The following NKAIN2 variants were observed in gnomAD, a reference collection of about 807,000 sequenced individuals.
The protein encoded by NKAIN2 is sodium/potassium-transporting ATPase subunit beta-1-interacting protein 2.
NKAIN2 carries 14 observed loss-of-function variants against 32.6 expected under a neutral mutation model. That is an observed-to-expected ratio of 0.43 (90% CI 0.28 to 0.67). The LOEUF is 0.67. Among genes scored for constraint, NKAIN2 ranks in the 30% least tolerant of loss-of-function variants. The pLI is 0.17. For synonymous variants in NKAIN2, 80 were observed against 87.2 expected (o/e 0.92, Z 0.46); for missense variants, 198 against 258.3 (o/e 0.77, Z 1.60).
chr6:124,383,288 T>C (rs1316158692), intron 3 of NKAIN2, among the ~76,000 whole-genome samples: 1 of 152,104 alleles, frequency 6.6e-6, no homozygotes, highest in Non-Finnish European at 1.5e-5. Flanking sequence ...TTCCAAACCA[T>C]CTTCCCAGAG....
chr6:123,974,776 C>T (rs1778481815), intron 1 of NKAIN2, among the ~76,000 whole-genome samples: 2 of 152,180 alleles, frequency 1.3e-5, no homozygotes, highest in Non-Finnish European at 2.9e-5. Context: ...CAGACATTAT[C>T]TTCTGTTTTC....
At chr6:124,821,938 G>A (rs961323045) in intron 6 of NKAIN2, among the ~76,000 whole-genome samples, 4 of 152,092 alleles carry the variant, frequency 2.6e-5, no homozygotes, top group Non-Finnish European at 2.9e-5. Context: ...GATTATCAAC[G>A]GGTTTTCCTG....
At position 124,251,863 on chromosome 6, in the gene NKAIN2, T is replaced by G. The variant is rs188696814; in HGVS notation, c.55-31142T>G. Among the ~76,000 whole-genome samples, 118 of 152,142 alleles carry G rather than the reference T, an allele frequency of 7.8e-4. 1 individual carries two copies. In the East Asian group the frequency reaches 0.019, roughly 25 times the overall value. The stretch of plus-strand genomic sequence containing the variant: ...ACATTATACTGCCTAAAAAGTCTAC[T>G]TCTAAATGTAAAACCTATAGAAATT... On this transcript the variant is annotated intron_variant, in intron 1 of 6. Coordinates refer to ENST00000368417, the MANE Select transcript of NKAIN2 (RefSeq NM_001040214.3).
At chr6:124,315,228 G>A (rs538125468) in intron 2 of NKAIN2, among the ~76,000 whole-genome samples, 1 of 152,118 alleles carries the variant, frequency 6.6e-6, no homozygotes, top group South Asian at 2.1e-4. Context: ...TGCATCTTGG[G>A]TTTGTAAACT....
intron 4 of NKAIN2, among the ~76,000 whole-genome samples, chr6:124,722,756 C>G (rs1198862046): frequency 2.0e-5 from 3 of 152,222 alleles, no homozygotes; most frequent in African/African-American, 7.2e-5. Flanking sequence ...AACTGCTATA[C>G]TGTTTTCCAT....
At chr6:124,115,474 C>A (rs1282952216) in intron 1 of NKAIN2, among the ~76,000 whole-genome samples, 1 of 151,934 alleles carries the variant, frequency 6.6e-6, no homozygotes, top group Admixed American at 6.6e-5. Flanking sequence ...ATCAGACAGA[C>A]AATTTCATAT....
intron 1 of NKAIN2, among the ~76,000 whole-genome samples, chr6:124,214,378 A>G (rs1009281834): frequency 6.6e-6 from 1 of 152,190 alleles, no homozygotes; most frequent in East Asian, 1.9e-4. Context: ...TTTATTTGGA[A>G]GGAATTATGT....
intron 1 of NKAIN2, among the ~76,000 whole-genome samples, chr6:124,136,234 A>G (rs1022556433): frequency 1.3e-5 from 2 of 152,302 alleles, no homozygotes; most frequent in East Asian, 3.9e-4. Flanking sequence ...ATTCAAGGCT[A>G]CTATGAATAC....
intron 1 of NKAIN2, among the ~76,000 whole-genome samples, chr6:124,017,763 A>T (rs554304391): frequency 3.3e-5 from 5 of 152,232 alleles, no homozygotes; most frequent in African/African-American, 1.2e-4. Flanking sequence ...GTGGCTTTAC[A>T]TAGTACAGCA....
At chr6:124,028,143 A>G (rs1330205110) in intron 1 of NKAIN2, among the ~76,000 whole-genome samples, 1 of 152,070 alleles carries the variant, frequency 6.6e-6, no homozygotes, top group Non-Finnish European at 1.5e-5. Context: ...TTTATACATA[A>G]TTTAGAATGT....
intron 1 of NKAIN2, among the ~76,000 whole-genome samples, chr6:124,078,000 T>G (rs1163297189): frequency 6.6e-6 from 1 of 152,166 alleles, no homozygotes; most frequent in African/African-American, 2.4e-5. Flanking sequence ...TTTTCTTTTA[T>G]TTTGCATTCT....
chr6:124,431,488 A>G (rs1775214884), intron 3 of NKAIN2, among the ~76,000 whole-genome samples: 1 of 152,144 alleles, frequency 6.6e-6, no homozygotes, highest in Non-Finnish European at 1.5e-5. Context: ...TTTGTTTTCT[A>G]TTATTGTCCC....
intron 3 of NKAIN2, among the ~76,000 whole-genome samples, chr6:124,410,052 T>G (rs951786810): frequency 5.3e-5 from 8 of 152,204 alleles, no homozygotes; most frequent in Non-Finnish European, 1.0e-4. Context: ...CCCTTTGTCA[T>G]TTTTTATTGT....
intron 1 of NKAIN2, among the ~76,000 whole-genome samples, chr6:124,076,240 A>G (rs764824790): frequency 6.6e-6 from 1 of 152,242 alleles, no homozygotes; most frequent in Admixed American, 6.5e-5. Flanking sequence ...AGCAACAGCA[A>G]TAAAGTTTCC....
intron 3 of NKAIN2, among the ~76,000 whole-genome samples, chr6:124,362,916 C>A (rs899675894): frequency 1.3e-5 from 2 of 152,082 alleles, no homozygotes; most frequent in African/African-American, 4.8e-5. Context: ...CTCACTGTAG[C>A]CTCCGCCTCC....
intron 1 of NKAIN2, among the ~76,000 whole-genome samples, chr6:124,220,619 C>T (rs905198837): frequency 3.3e-5 from 5 of 151,014 alleles, no homozygotes; most frequent in African/African-American, 1.2e-4. Context: ...AATTATATCA[C>T]CTAAGAATAT....
intron 1 of NKAIN2, among the ~76,000 whole-genome samples, chr6:124,001,644 G>A (rs1339189148): frequency 6.6e-6 from 1 of 151,658 alleles, no homozygotes; most frequent in South Asian, 2.1e-4. Flanking sequence ...GGAAGTGAAA[G>A]AAAATTTATT....
chr6:123,822,707 A>G (rs1271712098), intron 1 of NKAIN2, among the ~76,000 whole-genome samples: 1 of 152,078 alleles, frequency 6.6e-6, no homozygotes, highest in East Asian at 1.9e-4. Context: ...TTTTTAGAGT[A>G]TAATGTTTAT....
intron 1 of NKAIN2, among the ~76,000 whole-genome samples, chr6:124,019,205 T>TA (rs1313476812): frequency 6.6e-6 from 1 of 152,110 alleles, no homozygotes; most frequent in Non-Finnish European, 1.5e-5. Context: ...TTATGGGAGC[T>TA]AAAATTCAAG....
Sources: gnomAD v4.1 joint callset for allele counts (sites outside exome capture counted in the v4.1 genomes callset) on GRCh38, gnomAD v4.1.1 for gene constraint, MANE v1.5 for transcripts, NCBI Gene and HGNC (gene_info 2026-07-23, HGNC 2026-07-21) for gene names.